IL1R2: variants seen among roughly 807,000 people sequenced by gnomAD.
IL1R2 encodes interleukin-1 receptor type 2.
In IL1R2, 46 loss-of-function variants were observed where a neutral mutation model predicts 39.5. The observed-to-expected ratio is 1.16, with a 90% confidence interval of 0.92 to 1.49. The LOEUF (loss-of-function observed/expected upper bound fraction) is 1.49, where lower values mean the gene tolerates loss of function less well. IL1R2 is among the 40% of genes most tolerant of loss of function. The pLI is 0.00. For synonymous variants in IL1R2, 207 were observed against 189.6 expected, an observed-to-expected ratio of 1.09 and a Z score of -0.75; for missense variants, 537 against 502.0, an observed-to-expected ratio of 1.07 and a Z score of -0.67.
rs1243726659 is a variant in IL1R2 at position 102,028,394 on chromosome 2, A to G, written c.*2A>G. ...GACTTTCAATCCTATCCCAAGTGAA[A>G]TAAATGGAATGAAATAATTCAAACA... On this transcript the variant is annotated 3_prime_UTR_variant, in exon 9 of 9. Coordinates refer to ENST00000332549, the MANE Select transcript of IL1R2 (RefSeq NM_004633.4). 6.3e-7 allele frequency: 1 copy of G among 1,582,874 alleles called. No homozygotes were observed. Among genetic ancestry groups the G allele is most frequent in the Admixed American group, 1.8e-5 (1 of 55,980 alleles).
intron 5 of IL1R2, among the ~76,000 whole-genome samples, chr2:102,020,603 C>T (rs1475388003): frequency 1.3e-5 from 2 of 152,194 alleles, no homozygotes; most frequent in South Asian, 2.1e-4. Flanking sequence ...ATTTTTCTCA[C>T]AGAGCATCCA....
chr2:101,996,696 CA>C (rs1419833659), intron 1 of IL1R2, among the ~76,000 whole-genome samples: 1 of 150,704 alleles, frequency 6.6e-6, no homozygotes, highest in African/African-American at 2.4e-5. Context: ...AAAATATTTC[CA>C]AAACATACAT....
rs530896203 is a variant in IL1R2 at position 102,003,693 on chromosome 2, T to C, written c.-61-4822T>C. Among the ~76,000 whole-genome samples, 1,247 of 149,606 alleles carry C rather than the reference T, an allele frequency of 8.3e-3. 10 individuals are homozygous for C. The highest frequency in any genetic ancestry group is 0.021 in the Middle Eastern group (6 of 282). On this transcript the variant is annotated intron_variant, in intron 1 of 8. Transcript: ENST00000332549. Reference sequence around the variant, plus strand: ...CTGTGTCGGTGTCTGTGTCGGTGTCTAGGCCTATGTCTATGTCTGTGTCTT... The same window carrying C: ...CTGTGTCGGTGTCTGTGTCGGTGTCCAGGCCTATGTCTATGTCTGTGTCTT...
rs548367361 is a variant in IL1R2 at position 102,005,938 on chromosome 2, C to T, written c.-61-2577C>T. ...CATCTGCTTACTAGCTGTAAGATCT[C>T]GGCCAGGCCTTTTAACCCCTTTAAA... On this transcript the variant is annotated intron_variant, in intron 1 of 8. Transcript: ENST00000332549. Among the ~76,000 whole-genome samples the T allele has an allele frequency of 7.2e-5, 11 of 152,198 alleles. 1 individual carries two copies. The highest frequency in any genetic ancestry group is 2.4e-4 in the African/African-American group (10 of 41,520).
At chr2:102,017,675 T>C (rs951526374) in intron 4 of IL1R2, among the ~76,000 whole-genome samples, 28 of 152,198 alleles carry the variant, frequency 1.8e-4, no homozygotes, top group African/African-American at 6.8e-4. Context: ...AAAAGAAGGA[T>C]ATTTTATGAT....
intron 3 of IL1R2, 145 bp downstream of exon 3, chr2:102,009,971 A>AC: frequency 2.2e-6 from 2 of 903,982 alleles, no homozygotes. Flanking sequence ...GCTGTTCCTG[A>AC]CACCCCCCCC....
intron 1 of IL1R2, among the ~76,000 whole-genome samples, chr2:101,993,012 A>G (rs889910607): frequency 1.3e-5 from 2 of 152,200 alleles, no homozygotes; most frequent in African/African-American, 4.8e-5. Context: ...TCTAGGCCAC[A>G]AGTAAAATCG....
intron 1 of IL1R2, among the ~76,000 whole-genome samples, chr2:102,003,471 G>T: frequency 8.0e-6 from 1 of 125,114 alleles, no homozygotes. Flanking sequence ...TGTCTGTGTC[G>T]GTGTCTAGGC....
chr2:101,992,084 A>T (rs1160918087), intron 1 of IL1R2, 73 bp downstream of exon 1: 1 of 134,164 alleles, frequency 7.5e-6, no homozygotes, highest in East Asian at 2.0e-4. Context: ...AGAGAGAGAG[A>T]GAAAGAGAGA....
intron 6 of IL1R2, among the ~76,000 whole-genome samples, chr2:102,023,927 G>A (rs1227250743): frequency 2.0e-5 from 3 of 152,044 alleles, no homozygotes; most frequent in African/African-American, 7.2e-5. Flanking sequence ...GCGGGTGCCC[G>A]GGTCCCAGCT....
chr2:101,995,112 G>C (rs1675523269), intron 1 of IL1R2, among the ~76,000 whole-genome samples: 1 of 152,152 alleles, frequency 6.6e-6, no homozygotes, highest in African/African-American at 2.4e-5. Flanking sequence ...AAGTAATTTA[G>C]GTTCTCAATC....
intron 1 of IL1R2, among the ~76,000 whole-genome samples, chr2:102,007,054 C>T (rs1676311182): frequency 6.6e-6 from 1 of 152,174 alleles, no homozygotes; most frequent in Non-Finnish European, 1.5e-5. Context: ...AACCAACTTC[C>T]ATCTTGCCCA....
intron 1 of IL1R2, among the ~76,000 whole-genome samples, chr2:102,002,457 ATGTCTC>A (rs1296390979): frequency 1.9e-5 from 1 of 52,950 alleles, no homozygotes; most frequent in East Asian, 6.2e-4. Flanking sequence ...GTCTGTGTCT[ATGTCTC>A]TGTCTGTGTC....
At chr2:102,001,407 C>T (rs927596995) in intron 1 of IL1R2, among the ~76,000 whole-genome samples, 2 of 152,212 alleles carry the variant, frequency 1.3e-5, no homozygotes, top group Admixed American at 1.3e-4. Context: ...ATGGGTCTCC[C>T]TGCAACGTGG....
chr2:102,023,488 AC>A (rs1394496242), intron 6 of IL1R2: 1 of 150,688 alleles, frequency 6.6e-6, no homozygotes. Flanking sequence ...GTAGGTTGTT[AC>A]GGCTGAGGAA....
chr2:102,022,264 G>A lies in IL1R2; in HGVS notation c.751+15G>A. 1 of 1,608,880 alleles carries A rather than the reference G, an allele frequency of 6.2e-7. No individual in the cohort carries two copies. The highest frequency in any genetic ancestry group is 8.5e-7 in the Non-Finnish European group (1 of 1,175,240). ...AGCTTCTCTGGGTAAGGCCCACAAG[G>A]ACCATGCATTCCACGCACCTGTGGG... On this transcript the variant is annotated intron_variant, in intron 6 of 8. Transcript: ENST00000332549.
In IL1R2 at chr2:102,019,809, A is replaced by T. The variant is rs143212247; in HGVS notation, c.685A>T (p.Lys229Ter). 5.6e-6 allele frequency: 9 copies of T among 1,613,198 alleles called. No homozygotes were observed. In the African/African-American group the frequency reaches 1.1e-4, roughly 19 times the overall value. ...CACTAGGAGTATTGAGCTACGCATC[A>T]AGAGTAAGTACTTGCCATTGAGGCA... is the stretch of plus-strand genomic sequence containing the variant. ...NITRSIELRI[K>*]KKKEETIPVI... is the part of the protein sequence containing the mutation. Residue 229 changes from lysine to a stop codon, truncating the protein, a stop_gained, in exon 5 of 9, where the codon AAG (lysine) becomes TAG (stop). Coordinates refer to ENST00000332549, the MANE Select transcript of IL1R2 (RefSeq NM_004633.4). LOFTEE classifies it high-confidence loss of function.
At chr2:102,003,786 CTCTGTG>C (rs1286174627) in intron 1 of IL1R2, among the ~76,000 whole-genome samples, 6 of 35,250 alleles carry the variant, frequency 1.7e-4, no homozygotes, top group African/African-American at 7.6e-4. Flanking sequence ...GTGTATATCT[CTCTGTG>C]TCTGTGTCTG....
At chr2:102,014,319 A>G (rs370673437) in intron 3 of IL1R2, among the ~76,000 whole-genome samples, 12 of 152,266 alleles carry the variant, frequency 7.9e-5, no homozygotes, top group African/African-American at 2.9e-4. Flanking sequence ...TGGGGGCTGG[A>G]CTATAAGTGA....
Sources: gnomAD v4.1 joint callset for allele counts (sites outside exome capture counted in the v4.1 genomes callset) on GRCh38, gnomAD v4.1.1 for gene constraint, MANE v1.5 for transcripts, NCBI Gene and HGNC (gene_info 2026-07-23, HGNC 2026-07-21) for gene names.